NCKAP1: variants seen among roughly 807,000 people sequenced by gnomAD.
The protein encoded by NCKAP1 is NCK associated protein 1, also known as nck-associated protein 1.
Under a neutral mutation model 151.2 loss-of-function variants are expected in NCKAP1, and 21 were observed. That is an observed-to-expected ratio of 0.14 (90% CI 0.10 to 0.20). NCKAP1 has a LOEUF of 0.20. NCKAP1 is among the 10% of genes least tolerant of loss of function. The pLI, the probability that NCKAP1 is intolerant of heterozygous loss-of-function variation, is 1.00. For synonymous variants in NCKAP1, 484 were observed against 451.8 expected, an observed-to-expected ratio of 1.07 and a Z score of -0.90; for missense variants, 933 against 1,352.1, an observed-to-expected ratio of 0.69 and a Z score of 4.86.
At chr2:182,957,849 G>T (rs956578123) in intron 18 of NCKAP1, among the ~76,000 whole-genome samples, 1 of 152,096 alleles carries the variant, frequency 6.6e-6, no homozygotes, top group Non-Finnish European at 1.5e-5. Context: ...ATTCATAGAC[G>T]CTTATTTAAA....
At chr2:182,945,003 G>A (rs1346426511) in intron 23 of NCKAP1, among the ~76,000 whole-genome samples, 3 of 152,124 alleles carry the variant, frequency 2.0e-5, no homozygotes, top group African/African-American at 7.2e-5. Flanking sequence ...GGGAGGCCGA[G>A]GTGGGCGGAT....
intron 29 of NCKAP1, 184 bp from the exon 30 acceptor site, chr2:182,927,089 G>T: frequency 2.1e-6 from 1 of 477,714 alleles, no homozygotes; most frequent in Non-Finnish European, 3.6e-6. Flanking sequence ...AGTAATTAAG[G>T]CACAAAGAGA....
chr2:183,012,594 T>C (rs1698608508), intron 2 of NCKAP1, among the ~76,000 whole-genome samples: 1 of 151,560 alleles, frequency 6.6e-6, no homozygotes, highest in Non-Finnish European at 1.5e-5. Context: ...CTCTACCATC[T>C]TTTTACTGTC....
chr2:182,956,795 C>T (rs1041678526), intron 19 of NCKAP1: 13 of 495,840 alleles, frequency 2.6e-5, no homozygotes, highest in Non-Finnish European at 4.1e-5. Context: ...TCATTTGTTT[C>T]TACCTTTAGG....
chr2:182,929,053 C>T (rs1239846763), intron 27 of NCKAP1, among the ~76,000 whole-genome samples, 154 bp from the exon 28 acceptor site: 1 of 151,238 alleles, frequency 6.6e-6, no homozygotes. Context: ...GAATTGGTCA[C>T]AATTTTGTTA....
chr2:183,015,453 A>G (rs1229883262), intron 2 of NCKAP1, among the ~76,000 whole-genome samples: 1 of 151,964 alleles, frequency 6.6e-6, no homozygotes, highest in Non-Finnish European at 1.5e-5. Context: ...TTGATGTTAG[A>G]AGACAGAAGG....
chr2:182,961,119 T>G (rs1427177893), intron 18 of NCKAP1, among the ~76,000 whole-genome samples: 3 of 152,136 alleles, frequency 2.0e-5, no homozygotes, highest in Admixed American at 2.0e-4. Flanking sequence ...TAGGAACACT[T>G]TTACACTGTT....
intron 2 of NCKAP1, among the ~76,000 whole-genome samples, chr2:183,023,286 C>T (rs1258785160): frequency 6.6e-6 from 1 of 151,908 alleles, no homozygotes; most frequent in Non-Finnish European, 1.5e-5. Flanking sequence ...AAAAACTTTC[C>T]CATATGAAAA....
At chr2:182,928,754 T>C (rs1388788186) in intron 28 of NCKAP1, 29 bp downstream of exon 28, 1 of 1,418,792 alleles carries the variant, frequency 7.0e-7, no homozygotes, top group Admixed American at 2.0e-5. Context: ...GATTTATTCA[T>C]CGCCAAAACA....
At chr2:183,009,020 T>C (rs1698535210) in intron 2 of NCKAP1, among the ~76,000 whole-genome samples, 2 of 152,330 alleles carry the variant, frequency 1.3e-5, no homozygotes, top group Non-Finnish European at 2.9e-5. Flanking sequence ...GTGATTATAC[T>C]GGCAGTAAAT....
rs531801707 is a variant in NCKAP1 at position 182,920,359 on chromosome 2, G to A, written c.*5343C>T. 29 of 152,222 alleles carry A rather than the reference G, an allele frequency of 1.9e-4. No homozygotes were observed. Among genetic ancestry groups the A allele is most frequent in the Middle Eastern group, 3.4e-3 (1 of 296 alleles). The allele number at this position is 152,222 out of a possible 1,614,324, so 9.4% of individuals were successfully genotyped here. On this transcript the variant is annotated 3_prime_UTR_variant, in exon 31 of 31. Coordinates refer to ENST00000361354, the MANE Select transcript of NCKAP1 (RefSeq NM_013436.5). ...TAAAACTGGTGTTCATGCAATTAAA[G>A]ATGACATGAACATAGACATTCAGAA... is the stretch of plus-strand genomic sequence containing the variant.
chr2:182,960,155 C>T (rs943565290), intron 18 of NCKAP1, among the ~76,000 whole-genome samples: 2 of 152,106 alleles, frequency 1.3e-5, no homozygotes, highest in African/African-American at 4.8e-5. Context: ...GGCTACACTG[C>T]CCAAGGTAAT....
intron 20 of NCKAP1, among the ~76,000 whole-genome samples, chr2:182,955,812 C>CTTTG (rs1697312787): frequency 6.6e-6 from 1 of 152,008 alleles, no homozygotes; most frequent in African/African-American, 2.4e-5. Context: ...TTCCCTCCCA[C>CTTTG]TTTTCTCTAA....
intron 2 of NCKAP1, among the ~76,000 whole-genome samples, chr2:183,013,060 C>T (rs1698618871): frequency 6.6e-6 from 1 of 152,124 alleles, no homozygotes; most frequent in Non-Finnish European, 1.5e-5. Flanking sequence ...CTGATCTCAA[C>T]CTGATTTCAT....
At chr2:182,995,862 C>G (rs771231174) in intron 6 of NCKAP1, 24 bp from the exon 7 acceptor site, 13 of 1,581,474 alleles carry the variant, frequency 8.2e-6, no homozygotes, top group Non-Finnish European at 7.8e-6. Context: ...GAAAAAAAAG[C>G]TGAAGAATAA....
At chr2:183,018,538 C>T (rs1402575837) in intron 2 of NCKAP1, among the ~76,000 whole-genome samples, 1 of 152,146 alleles carries the variant, frequency 6.6e-6, no homozygotes, top group Non-Finnish European at 1.5e-5. Flanking sequence ...TCACCAATTC[C>T]ACCACCCCAC....
chr2:183,002,016 C>T lies in NCKAP1; in HGVS notation c.540G>A (p.Gln180=). 1 of 1,613,812 alleles carries T rather than the reference C, an allele frequency of 6.2e-7. No individual in the cohort carries two copies. ...ASDREYPRLG[Q]MIVDYENPLK... is the part of the protein sequence containing the mutation. ...AAGGGTTTTCATAATCCACAATCAT[C>T]TGGCCAAGGCGTGGGTATTCTCTGT... The change falls in exon 6 of 31, where the codon CAG becomes CAA. Residue 180 remains glutamine (Q), a synonymous_variant. Coordinates refer to ENST00000361354, the MANE Select transcript of NCKAP1 (RefSeq NM_013436.5).
chr2:182,988,283 A>C (rs1410951725), intron 9 of NCKAP1, among the ~76,000 whole-genome samples: 1 of 152,218 alleles, frequency 6.6e-6, no homozygotes, highest in African/African-American at 2.4e-5. Context: ...AATGTCATTA[A>C]GTCATTATTC....
intron 10 of NCKAP1, among the ~76,000 whole-genome samples, chr2:182,985,612 G>A (rs918596414): frequency 2.0e-5 from 3 of 151,994 alleles, no homozygotes; most frequent in African/African-American, 4.8e-5. Context: ...GACCAGTCTA[G>A]CCAACATGGT....
Sources: gnomAD v4.1 joint callset for allele counts (sites outside exome capture counted in the v4.1 genomes callset) on GRCh38, gnomAD v4.1.1 for gene constraint, MANE v1.5 for transcripts, NCBI Gene and HGNC (gene_info 2026-07-23, HGNC 2026-07-21) for gene names.